CYB5R2: variants seen among roughly 807,000 people sequenced by gnomAD.
CYB5R2 encodes the protein cytochrome b5 reductase 2, also known as NADH-cytochrome b5 reductase 2.
A neutral mutation model predicts 29.8 loss-of-function variants in CYB5R2; 35 were observed. The ratio of observed to expected loss-of-function variants is 1.17; its 90% confidence interval spans 0.90 to 1.56. The LOEUF (loss-of-function observed/expected upper bound fraction) is 1.56, where lower values mean the gene tolerates loss of function less well. CYB5R2 is among the 40% of genes most tolerant of loss of function. The probability of loss-of-function intolerance (pLI) is 0.00; values close to 1 mark genes in which losing one functional copy is unlikely to be tolerated. For synonymous variants in CYB5R2, 169 were observed against 130.6 expected (o/e 1.29, Z -2.01); for missense variants, 419 against 346.7 (o/e 1.21, Z -1.66).
chr11:7,667,147 T>C (rs1855323834), intron 7 of CYB5R2: 1 of 152,276 alleles, frequency 6.6e-6, no homozygotes, highest in African/African-American at 2.4e-5. Context: ...TCTGGGATTC[T>C]GTTTTAGAAA....
At chr11:7,672,400 G>A (rs770775296) in intron 3 of CYB5R2, 51 bp downstream of exon 3, 50 of 1,506,284 alleles carry the variant, frequency 3.3e-5, no homozygotes, top group Admixed American at 1.5e-4. Context: ...AAGAGAGGAG[G>A]GCCTAGCCCC....
In CYB5R2 at chr11:7,665,229, C is replaced by G; in HGVS notation, c.*145G>C. On this transcript the variant is annotated 3_prime_UTR_variant, in exon 9 of 9. Transcript: ENST00000299498. ...GCCCCTTGAGCCCTTTTTGTTAGGC[C>G]CACACCCAAAAGAGGAGAACCAGTG... is the stretch of plus-strand genomic sequence containing the variant. 1 of 685,220 alleles carries G rather than the reference C, an allele frequency of 1.5e-6. No individual in the cohort carries two copies. The highest frequency in any genetic ancestry group is 2.3e-6 in the Non-Finnish European group (1 of 433,174). The allele number at this position is 685,220 out of a possible 1,614,324, so 42.4% of individuals were successfully genotyped here. A position where few individuals can be genotyped will look rare whatever the true frequency, so the allele number is the denominator to read the frequency against.
chr11:7,672,859 A>T lies in CYB5R2; in HGVS notation c.-34T>A, dbSNP rs1855844292. 2 of 1,613,886 alleles carry T rather than the reference A, an allele frequency of 1.2e-6. No individual in the cohort carries two copies. Among genetic ancestry groups the T allele is most frequent in the African/African-American group, 2.7e-5 (2 of 74,924 alleles). ...GGACCAACACGAGCACAGTGACCCC[A>T]GTGACGGTGATGGTCAGGAGCAGGG... On this transcript the variant is annotated 5_prime_UTR_variant, in exon 2 of 9. Transcript: ENST00000299498.
At chr11:7,673,638 C>A (rs1855900328), upstream of CYB5R2, 2 of 985,388 alleles carry the variant, frequency 2.0e-6, no homozygotes, top group African/African-American at 3.5e-5. Context: ...GCCTCCGCGC[C>A]TCTGGCCTCT....
Position 7,665,439 on chromosome 11 carries a change from G to A in CYB5R2, c.766C>T (p.Gln256Ter), listed in dbSNP as rs1173632500. The A allele has an allele frequency of 4.3e-6, 7 of 1,613,360 alleles. No homozygotes were observed. Among genetic ancestry groups the A allele is most frequent in the East Asian group, 2.2e-5 (1 of 44,868 alleles). The part of the protein sequence containing the change: ...ILVCGPPPLI[Q>*]TAAHPNLEKL... The stretch of plus-strand genomic sequence containing the variant: ...TCCAGGTTAGGGTGAGCCGCCGTCT[G>A]GATTAGTGGTGGCGGGCCACACACC... The change falls in exon 9 of 9, where the codon CAG (glutamine) becomes TAG (stop). Residue 256 changes from glutamine to a stop codon, truncating the protein, a stop_gained. Transcript: ENST00000299498. LOFTEE classifies it high-confidence loss of function.
At chr11:7,668,352 A>G (rs1855478551) in intron 6 of CYB5R2, 126 bp downstream of exon 6, 2 of 801,308 alleles carry the variant, frequency 2.5e-6, no homozygotes, top group Non-Finnish European at 4.4e-6. Flanking sequence ...TCACTGGTTC[A>G]TCGTTCCCAC....
At position 7,672,856 on chromosome 11, in the gene CYB5R2, C is replaced by T. The variant is rs765982299; in HGVS notation, c.-31G>A. 112 of 1,613,856 alleles carry T rather than the reference C, an allele frequency of 6.9e-5. 2 individuals are homozygous for T. In the South Asian group the frequency reaches 1.2e-3, roughly 17 times the overall value. On this transcript the variant is annotated 5_prime_UTR_variant, in exon 2 of 9. Coordinates refer to ENST00000299498, the MANE Select transcript of CYB5R2 (RefSeq NM_016229.5). ...TCAGGACCAACACGAGCACAGTGACCCCAGTGACGGTGATGGTCAGGAGCA... is the reference window on the plus strand; with the variant it reads ...TCAGGACCAACACGAGCACAGTGACTCCAGTGACGGTGATGGTCAGGAGCA...
intron 8 of CYB5R2, chr11:7,665,760 C>T: frequency 1.4e-6 from 2 of 1,382,668 alleles, no homozygotes; most frequent in Non-Finnish European, 2.0e-6. Flanking sequence ...CTGCAGGGAC[C>T]CTGAAGCCCT....
Position 7,668,526 on chromosome 11 carries a change from G to A in CYB5R2, c.424C>T (p.Pro142Ser). 6.2e-7 allele frequency: 1 copy of A among 1,613,990 alleles called. No homozygotes were observed. The highest frequency in any genetic ancestry group is 1.1e-5 in the South Asian group (1 of 91,060). The change falls in exon 6 of 9, where the codon CCT (proline) becomes TCT (serine). Residue 142 changes from proline (P) to serine (S), a missense_variant. By Grantham distance (74) the Pro-to-Ser change is moderately conservative. Transcript: ENST00000299498. ...LGIRPDQTSE[P>S]KKTLADHLGM... is the part of the protein sequence containing the mutation. ...AGGTGATCGGCCAGTGTTTTTTTAG[G>A]CTCACTCGTCTGGTCTGGTCTGATT...
chr11:7,669,346 G>A lies in CYB5R2; in HGVS notation c.259-12C>T. 6.2e-7 allele frequency: 1 copy of A among 1,603,686 alleles called. No homozygotes were observed. Among genetic ancestry groups the A allele is most frequent in the African/African-American group, 1.3e-5 (1 of 74,712 alleles). On this transcript the variant is annotated splice_polypyrimidine_tract_variant and intron_variant, in intron 4 of 8. Coordinates refer to ENST00000299498, the MANE Select transcript of CYB5R2 (RefSeq NM_016229.5). ...TTTTTGAAGTAGATCTGAAAAGCAAGGCAGCACTGCTTTCACATTCCCAGA... is the reference window on the plus strand; with the variant it reads ...TTTTTGAAGTAGATCTGAAAAGCAAAGCAGCACTGCTTTCACATTCCCAGA...
upstream of CYB5R2, chr11:7,673,532 C>T (rs927686938): frequency 6.8e-5 from 67 of 985,178 alleles, no homozygotes; most frequent in Non-Finnish European, 7.7e-5. Context: ...GCCCGCCCCA[C>T]TCCCCGCCCT....
At chr11:7,672,643 G>C (rs937390947) in intron 2 of CYB5R2, 105 bp downstream of exon 2, 64 of 854,616 alleles carry the variant, frequency 7.5e-5, no homozygotes, top group South Asian at 4.0e-4. Flanking sequence ...CACACACACA[G>C]GGCGGCGGGG....
At chr11:7,668,641 C>T (rs1310795073) in intron 5 of CYB5R2, 80 bp from the exon 6 acceptor site, 5 of 1,173,902 alleles carry the variant, frequency 4.3e-6, no homozygotes, top group Non-Finnish European at 6.4e-6. Context: ...TTCCTTAGGA[C>T]TCCCAGGAGG....
intron 3 of CYB5R2, chr11:7,670,427 T>A (rs1565155195): frequency 6.6e-6 from 1 of 152,368 alleles, no homozygotes; most frequent in Non-Finnish European, 1.5e-5. Flanking sequence ...ACTCCTTTCT[T>A]CCTAAACTGG....
chr11:7,667,435 C>T lies in CYB5R2; in HGVS notation c.558+293G>A, dbSNP rs150860698. 33 of 253,564 alleles carry T rather than the reference C, an allele frequency of 1.3e-4. No homozygotes were observed. In the East Asian group the frequency reaches 2.5e-3, roughly 19 times the overall value. 15.7% of individuals were successfully genotyped at this position (253,564 alleles called of 1,614,324 possible). Reference sequence around the variant, plus strand: ...TATTCTGTATTTTCTGAAGTGTCCACTGAGGACATCTGTGATTTTACACTT... The same window carrying T: ...TATTCTGTATTTTCTGAAGTGTCCATTGAGGACATCTGTGATTTTACACTT... On this transcript the variant is annotated intron_variant, in intron 7 of 8. Transcript: ENST00000299498.
intron 3 of CYB5R2, chr11:7,671,221 C>A (rs970945138): frequency 6.6e-6 from 1 of 152,356 alleles, no homozygotes; most frequent in Non-Finnish European, 1.5e-5. Context: ...CCTGGAAAGG[C>A]TCTTTCATAT....
chr11:7,666,643 T>A (rs1737675515), intron 7 of CYB5R2, 93 bp from the exon 8 acceptor site: 2 of 793,908 alleles, frequency 2.5e-6, no homozygotes, highest in Non-Finnish European at 4.1e-6. Flanking sequence ...TGGCCAAAGC[T>A]GCCACCACTC....
At chr11:7,673,963 T>C (rs1855931925), upstream of CYB5R2, 1 of 1,019,388 alleles carries the variant, frequency 9.8e-7, no homozygotes, top group Non-Finnish European at 1.2e-6. Context: ...AGCCGCTGGC[T>C]CTGGGTCAGC....
At chr11:7,667,640 T>G (rs1855388199) in intron 7 of CYB5R2, 88 bp downstream of exon 7, 1 of 1,260,822 alleles carries the variant, frequency 7.9e-7, no homozygotes, top group South Asian at 1.2e-5. Flanking sequence ...CCAAGCAGCA[T>G]GAGCTCAGTC....
Sources: allele counts gnomAD v4.1 joint callset, GRCh38; gene constraint gnomAD v4.1.1; transcripts MANE v1.5; gene names NCBI Gene and HGNC (gene_info 2026-07-23, HGNC 2026-07-21).